TOX2: variants seen among roughly 807,000 people sequenced by gnomAD.
TOX2 encodes granulosa cell HMG box 1.
Under a neutral mutation model 47.4 loss-of-function variants are expected in TOX2, and 15 were observed. The observed-to-expected ratio is 0.32, with a 90% CI of 0.21 to 0.49. The LOEUF (loss-of-function observed/expected upper bound fraction) is 0.49. TOX2 is among the 20% of genes least tolerant of loss of function. TOX2 has a pLI of 0.99. For missense variants in TOX2, 622 were observed against 673.1 expected, an observed-to-expected ratio of 0.92 and a Z score of 0.84; for synonymous variants, 290 against 296.6, an observed-to-expected ratio of 0.98 and a Z score of 0.23.
chr20:44,036,348 GACACAGGCCTGGGAGCC>G (rs1178368220), intron 3 of TOX2, among the ~76,000 whole-genome samples: 1 of 152,220 alleles, frequency 6.6e-6, no homozygotes, highest in Non-Finnish European at 1.5e-5. Flanking sequence ...TAGGGCTGTG[GACACAGGCCTGGGAGCC>G]ACACAGACAT....
intron 1 of TOX2, among the ~76,000 whole-genome samples, chr20:43,938,157 G>A (rs970116816): frequency 3.3e-5 from 5 of 152,106 alleles, no homozygotes; most frequent in African/African-American, 1.2e-4. Context: ...CTCTTACCAG[G>A]ACCCATGTCA....
At chr20:44,016,588 C>G (rs1327906717) in intron 3 of TOX2, among the ~76,000 whole-genome samples, 1 of 152,142 alleles carries the variant, frequency 6.6e-6, no homozygotes, top group Non-Finnish European at 1.5e-5. Flanking sequence ...CTCACTATTC[C>G]TGGCCTCTAG....
In TOX2 at chr20:44,058,483, C is replaced by T. The variant is rs144311763; in HGVS notation, c.879+3957C>T. ...CAAAGGACATAATCTCTCTTGGGAA[C>T]TCCATGGCCCCGCCCACCACCTGAC... On this transcript the variant is annotated intron_variant, in intron 5 of 8. Transcript: ENST00000341197. Among the ~76,000 whole-genome samples the T allele has an allele frequency of 1.9e-4, 29 of 152,344 alleles. No homozygotes were observed. The East Asian group carries it at 5.4e-3, about 28-fold the overall frequency.
At chr20:43,964,457 C>T (rs757336697) in intron 1 of TOX2, among the ~76,000 whole-genome samples, 2 of 152,232 alleles carry the variant, frequency 1.3e-5, no homozygotes, top group Non-Finnish European at 2.9e-5. Flanking sequence ...TGAGCGTTCT[C>T]ACCGCCCAAT....
intron 5 of TOX2, among the ~76,000 whole-genome samples, chr20:44,062,215 C>G (rs112650492): frequency 0.017 from 2,536 of 152,058 alleles, 28 homozygotes; most frequent in Non-Finnish European, 0.025. Context: ...CTAGAAAACC[C>G]TAAAGACTCA....
chr20:43,955,699 C>G (rs971390556), intron 1 of TOX2, among the ~76,000 whole-genome samples: 1 of 152,190 alleles, frequency 6.6e-6, no homozygotes, highest in African/African-American at 2.4e-5. Flanking sequence ...CTGGGGCTGT[C>G]ATGGTTTTAT....
intron 1 of TOX2, among the ~76,000 whole-genome samples, chr20:43,972,410 A>G (rs1179492715): frequency 1.3e-5 from 2 of 152,152 alleles, no homozygotes; most frequent in Non-Finnish European, 2.9e-5. Context: ...TCCCACACTT[A>G]CAGGTTATTC....
intron 2 of TOX2, among the ~76,000 whole-genome samples, chr20:43,982,148 G>A (rs2070179835): frequency 6.6e-6 from 1 of 152,094 alleles, no homozygotes; most frequent in Non-Finnish European, 1.5e-5. Flanking sequence ...GAGAAAAGGA[G>A]TGTGGCTTTG....
chr20:43,941,255 G>A (rs531574391), intron 1 of TOX2, among the ~76,000 whole-genome samples: 1 of 151,946 alleles, frequency 6.6e-6, no homozygotes, highest in South Asian at 2.1e-4. Flanking sequence ...CTAGGACAAA[G>A]GTTCGAGAGT....
chr20:43,995,996 G>A (rs1243604789), intron 2 of TOX2, among the ~76,000 whole-genome samples: 1 of 152,158 alleles, frequency 6.6e-6, no homozygotes, highest in African/African-American at 2.4e-5. Context: ...TGTCTTTATG[G>A]AAGAATGATT....
At chr20:43,968,654 C>T (rs796459029) in intron 1 of TOX2, among the ~76,000 whole-genome samples, 1 of 152,174 alleles carries the variant, frequency 6.6e-6, no homozygotes, top group Admixed American at 6.5e-5. Context: ...AAACTCATTT[C>T]CATGACAAAA....
At chr20:43,932,143 G>A (rs998893611) in intron 1 of TOX2, among the ~76,000 whole-genome samples, 2 of 152,172 alleles carry the variant, frequency 1.3e-5, no homozygotes, top group Non-Finnish European at 2.9e-5. Flanking sequence ...AAAAAAGAGT[G>A]AGCATTTTTA....
chr20:44,036,097 G>C (rs1005891138), intron 3 of TOX2, among the ~76,000 whole-genome samples: 1 of 152,262 alleles, frequency 6.6e-6, no homozygotes, highest in Non-Finnish European at 1.5e-5. Context: ...TTCCTGGAGA[G>C]GGTTGCAGCT....
intron 1 of TOX2, among the ~76,000 whole-genome samples, chr20:43,921,801 G>C (rs908007628): frequency 6.6e-6 from 1 of 152,266 alleles, no homozygotes; most frequent in East Asian, 1.9e-4. Flanking sequence ...TGGGACTGCA[G>C]GCATGAGCCA....
intron 3 of TOX2, among the ~76,000 whole-genome samples, chr20:44,048,231 A>G (rs565971946): frequency 6.6e-6 from 1 of 151,320 alleles, no homozygotes; most frequent in South Asian, 2.1e-4. Context: ...TCACAAAAAA[A>G]TAAATAAAAT....
At chr20:44,037,408 C>T (rs563590874) in intron 3 of TOX2, among the ~76,000 whole-genome samples, 13 of 152,290 alleles carry the variant, frequency 8.5e-5, no homozygotes, top group South Asian at 2.1e-4. Context: ...TCACAGCTGC[C>T]CCATGAGGGC....
chr20:44,012,740 A>G (rs888753819), intron 3 of TOX2, among the ~76,000 whole-genome samples: 4 of 152,232 alleles, frequency 2.6e-5, no homozygotes, highest in South Asian at 2.1e-4. Context: ...GCAGTGACAT[A>G]CTAGACAAGT....
chr20:44,015,321 C>T lies in TOX2; in HGVS notation c.411+8529C>T, dbSNP rs144124058. On this transcript the variant is annotated intron_variant, in intron 3 of 8. Coordinates refer to ENST00000341197, the MANE Select transcript of TOX2 (RefSeq NM_001098797.2). ...GCTTTAAACAGCTTTTGCTCTCCTG[C>T]TATAATTATTTATTTTCAAACACTC... is the stretch of plus-strand genomic sequence containing the variant. 2.2e-4 allele frequency among the ~76,000 whole-genome samples: 33 copies of T among 152,334 alleles called. No homozygotes were observed. The East Asian group carries it at 5.8e-3, about 27-fold the overall frequency.
intron 1 of TOX2, among the ~76,000 whole-genome samples, chr20:43,926,150 A>G (rs916958134): frequency 2.0e-5 from 3 of 152,212 alleles, no homozygotes; most frequent in Admixed American, 1.3e-4. Flanking sequence ...TTATTGTTTC[A>G]TCATGCTGTG....
Sources: allele counts gnomAD v4.1 joint callset (sites outside exome capture counted in the v4.1 genomes callset), GRCh38; gene constraint gnomAD v4.1.1; transcripts MANE v1.5; gene names NCBI Gene and HGNC (gene_info 2026-07-23, HGNC 2026-07-21).